FHOD3: variants seen among roughly 807,000 people sequenced by gnomAD.
The protein encoded by FHOD3 is FH1/FH2 domain-containing protein 3.
A neutral mutation model predicts 173.0 loss-of-function variants in FHOD3; 90 were observed. The observed-to-expected ratio is 0.52, with a 90% CI of 0.44 to 0.62. The LOEUF is 0.62. Ranked by LOEUF, FHOD3 falls within the 20% of genes least tolerant of loss-of-function variation. FHOD3 has a pLI of 0.00. For missense variants in FHOD3, 1,945 were observed against 2,034.7 expected (o/e 0.96, Z 0.85); for synonymous variants, 828 against 823.0 (o/e 1.01, Z -0.10).
At chr18:36,551,116 A>G (rs2057636004) in intron 5 of FHOD3, among the ~76,000 whole-genome samples, 1 of 152,220 alleles carries the variant, frequency 6.6e-6, no homozygotes, top group Non-Finnish European at 1.5e-5. Context: ...GAGAACAGGA[A>G]TGCATGTTAG....
chr18:36,379,196 G>A (rs1302191102), intron 3 of FHOD3, among the ~76,000 whole-genome samples: 1 of 152,220 alleles, frequency 6.6e-6, no homozygotes, highest in Non-Finnish European at 1.5e-5. Context: ...ACTTGTGAGA[G>A]AGAGGTAGCG....
intron 3 of FHOD3, among the ~76,000 whole-genome samples, chr18:36,436,208 A>G (rs1309105043): frequency 6.6e-6 from 1 of 152,206 alleles, no homozygotes; most frequent in East Asian, 1.9e-4. Flanking sequence ...ATAAACTGTG[A>G]AATAAGTTCT....
chr18:36,658,378 AG>A (rs1182474509), intron 14 of FHOD3, among the ~76,000 whole-genome samples, 190 bp downstream of exon 14: 1 of 152,220 alleles, frequency 6.6e-6, no homozygotes, highest in African/African-American at 2.4e-5. Flanking sequence ...ATTTTATTAG[AG>A]GTGATATTTT....
intron 3 of FHOD3, among the ~76,000 whole-genome samples, chr18:36,449,415 C>A (rs1172930288): frequency 6.6e-6 from 1 of 152,120 alleles, no homozygotes; most frequent in Non-Finnish European, 1.5e-5. Flanking sequence ...CCCTTGTCAT[C>A]CGTATGTTAT....
intron 3 of FHOD3, among the ~76,000 whole-genome samples, chr18:36,489,014 C>T (rs1248967889): frequency 6.6e-6 from 1 of 152,140 alleles, no homozygotes; most frequent in African/African-American, 2.4e-5. Flanking sequence ...AACACTAGGT[C>T]AGTCCTGGCT....
In FHOD3 at chr18:36,615,738, C is replaced by T. The variant is rs73948090; in HGVS notation, c.957+3643C>T. ...GGAAGATATTCATTCATAAATTTTT[C>T]TGCACCGCTAGATCTCTAGGGAAGA... On this transcript the variant is annotated intron_variant, in intron 9 of 28. Transcript: ENST00000590592. 5.3e-3 allele frequency among the ~76,000 whole-genome samples: 808 copies of T among 152,296 alleles called. 11 individuals are homozygous for T. Among genetic ancestry groups the T allele is most frequent in the African/African-American group, 0.018 (768 of 41,560 alleles).
In FHOD3 at chr18:36,529,354, T is replaced by C. The variant is rs186750910; in HGVS notation, c.511+16811T>C. ...GGCAGTGGCCAAGTCTCTTTCCAGTTTCTAGGTTAAGATTTGGGAACAGTC... is the reference window on the plus strand; with the variant it reads ...GGCAGTGGCCAAGTCTCTTTCCAGTCTCTAGGTTAAGATTTGGGAACAGTC... On this transcript the variant is annotated intron_variant, in intron 5 of 28. Coordinates refer to ENST00000590592, the MANE Select transcript of FHOD3 (RefSeq NM_001281740.3). 2.4e-3 allele frequency among the ~76,000 whole-genome samples: 360 copies of C among 152,314 alleles called. 3 individuals carry two copies. The highest frequency in any genetic ancestry group is 7.8e-3 in the African/African-American group (325 of 41,562).
intron 3 of FHOD3, among the ~76,000 whole-genome samples, chr18:36,418,023 C>T (rs2049765809): frequency 6.6e-6 from 1 of 152,168 alleles, no homozygotes; most frequent in Admixed American, 6.5e-5. Context: ...ATGTCTTAGA[C>T]ATATTAATGC....
intron 5 of FHOD3, among the ~76,000 whole-genome samples, chr18:36,567,127 A>G (rs1278471362): frequency 6.6e-6 from 1 of 152,174 alleles, no homozygotes; most frequent in African/African-American, 2.4e-5. Context: ...GATGAGGAGT[A>G]TCTAGTGCTG....
intron 3 of FHOD3, among the ~76,000 whole-genome samples, chr18:36,419,302 T>C (rs1460459633): frequency 6.6e-6 from 1 of 151,970 alleles, no homozygotes; most frequent in Non-Finnish European, 1.5e-5. Flanking sequence ...TGCTCTGTTG[T>C]TGACTATTCC....
intron 3 of FHOD3, among the ~76,000 whole-genome samples, chr18:36,446,726 C>T (rs934412625): frequency 7.9e-5 from 12 of 152,148 alleles, no homozygotes; most frequent in African/African-American, 2.9e-4. Context: ...TTATCCCTCA[C>T]CCCCACCTGC....
chr18:36,359,633 G>A (rs2046515736), intron 2 of FHOD3, among the ~76,000 whole-genome samples: 1 of 152,164 alleles, frequency 6.6e-6, no homozygotes, highest in South Asian at 2.1e-4. Context: ...TTATCTTCCT[G>A]TATGAAGAGG....
At chr18:36,303,000 A>T (rs1328620659) in intron 1 of FHOD3, among the ~76,000 whole-genome samples, 1 of 152,230 alleles carries the variant, frequency 6.6e-6, no homozygotes, top group African/African-American at 2.4e-5. Context: ...CTAGCCAGAC[A>T]TCCAGCAGGT....
At chr18:36,682,705 C>G (rs925126277) in intron 15 of FHOD3, among the ~76,000 whole-genome samples, 2 of 152,280 alleles carry the variant, frequency 1.3e-5, no homozygotes, top group Admixed American at 1.3e-4. Context: ...GCTTCAGCCT[C>G]CCAAGTAGCT....
Position 36,721,709 on chromosome 18 carries a change from T to A in FHOD3, c.3417+2994T>A, listed in dbSNP as rs532848525. Reference sequence around the variant, plus strand: ...GAGAGCTGAATCCATTTTGCATATGTTACCACTGTAGATATAACCAATTTC... The same window carrying A: ...GAGAGCTGAATCCATTTTGCATATGATACCACTGTAGATATAACCAATTTC... On this transcript the variant is annotated intron_variant, in intron 19 of 28. Coordinates refer to ENST00000590592, the MANE Select transcript of FHOD3 (RefSeq NM_001281740.3). 1.4e-4 allele frequency among the ~76,000 whole-genome samples: 22 copies of A among 152,338 alleles called. No individual in the cohort carries two copies. In the South Asian group the frequency reaches 4.6e-3, roughly 32 times the overall value.
intron 27 of FHOD3, among the ~76,000 whole-genome samples, chr18:36,762,021 A>G (rs2042902856): frequency 6.6e-6 from 1 of 152,074 alleles, no homozygotes; most frequent in Non-Finnish European, 1.5e-5. Context: ...TCTAATGAAC[A>G]TGCAGGCAGA....
intron 3 of FHOD3, among the ~76,000 whole-genome samples, chr18:36,379,650 C>T (rs778249136): frequency 1.3e-5 from 2 of 152,184 alleles, no homozygotes; most frequent in African/African-American, 2.4e-5. Flanking sequence ...CAGTTAGACT[C>T]CTAAGTTCCT....
intron 3 of FHOD3, among the ~76,000 whole-genome samples, chr18:36,384,947 C>T (rs2047959329): frequency 6.6e-6 from 1 of 151,140 alleles, no homozygotes; most frequent in Admixed American, 6.6e-5. Context: ...GTTTTGTTGC[C>T]TTACAAACCA....
intron 3 of FHOD3, among the ~76,000 whole-genome samples, chr18:36,390,491 C>G (rs1410693919): frequency 2.0e-5 from 3 of 152,114 alleles, no homozygotes; most frequent in Non-Finnish European, 4.4e-5. Flanking sequence ...GTGCTGGGTC[C>G]TGCTCTGGCA....
Sources: gnomAD v4.1 joint callset for allele counts (sites outside exome capture counted in the v4.1 genomes callset) on GRCh38, gnomAD v4.1.1 for gene constraint, MANE v1.5 for transcripts, NCBI Gene and HGNC (gene_info 2026-07-23, HGNC 2026-07-21) for gene names.